Variants in SENP6 observed in about 807,000 individuals in gnomAD.
SENP6 encodes the protein SUMO specific peptidase 6.
Under a neutral mutation model 134.5 loss-of-function variants are expected in SENP6, and 41 were observed. The observed-to-expected ratio is 0.30, with a 90% CI of 0.24 to 0.40. The LOEUF (loss-of-function observed/expected upper bound fraction) is 0.40. Ranked by LOEUF, SENP6 falls within the 10% of genes least tolerant of loss-of-function variation. SENP6 has a pLI of 1.00. For synonymous variants in SENP6, 395 were observed against 429.8 expected (o/e 0.92, Z 1.00); for missense variants, 1,248 against 1,312.5 (o/e 0.95, Z 0.76).
intron 3 of SENP6, among the ~76,000 whole-genome samples, chr6:75,624,653 T>A (rs1768530906): frequency 6.6e-6 from 1 of 152,228 alleles, no homozygotes; most frequent in Non-Finnish European, 1.5e-5. Flanking sequence ...ATATGTATAG[T>A]CTCATTCTTT....
chr6:75,652,035 G>A (rs1770907729), intron 7 of SENP6, among the ~76,000 whole-genome samples: 1 of 151,816 alleles, frequency 6.6e-6, no homozygotes, highest in Non-Finnish European at 1.5e-5. Flanking sequence ...AAATTAGCCG[G>A]GTATAGTGGC....
At chr6:75,697,569 C>T in intron 18 of SENP6, 52 bp downstream of exon 18, 1 of 1,261,706 alleles carries the variant, frequency 7.9e-7, no homozygotes, top group Non-Finnish European at 1.1e-6. Flanking sequence ...TAAATGATGG[C>T]AATTTTTAAA....
chr6:75,608,277 A>G (rs1475477154), intron 1 of SENP6, among the ~76,000 whole-genome samples: 1 of 152,108 alleles, frequency 6.6e-6, no homozygotes, highest in East Asian at 1.9e-4. Context: ...CCTGGGCAAC[A>G]TAACGAGGCC....
At chr6:75,660,476 G>T (rs1480846729) in intron 8 of SENP6, among the ~76,000 whole-genome samples, 1 of 152,088 alleles carries the variant, frequency 6.6e-6, no homozygotes, top group East Asian at 1.9e-4. Context: ...GATGTTTCAT[G>T]ACTTACCTTG....
rs1456173924 is a variant in SENP6 at position 75,665,730 on chromosome 6, A to G, written c.995-982A>G. ...TTTTAGTAGCTTCCTGTGTGAGATAAAATTACTTGGCTACAGCCAGGTGCG... is the reference window on the plus strand; with the variant it reads ...TTTTAGTAGCTTCCTGTGTGAGATAGAATTACTTGGCTACAGCCAGGTGCG... On this transcript the variant is annotated intron_variant, in intron 9 of 23. Coordinates refer to ENST00000447266, the MANE Select transcript of SENP6 (RefSeq NM_015571.4). Among the ~76,000 whole-genome samples, 3 of 152,156 alleles carry G rather than the reference A, an allele frequency of 2.0e-5. No homozygotes were observed. The South Asian group carries it at 6.2e-4, about 32-fold the overall frequency.
chr6:75,684,852 A>G (rs1773717181), intron 16 of SENP6, among the ~76,000 whole-genome samples: 2 of 152,120 alleles, frequency 1.3e-5, no homozygotes, highest in South Asian at 2.1e-4. Flanking sequence ...TATTGATCTG[A>G]AATTCTCTTT....
intron 3 of SENP6, among the ~76,000 whole-genome samples, chr6:75,629,447 A>G (rs1768944323): frequency 6.6e-6 from 1 of 152,056 alleles, no homozygotes; most frequent in South Asian, 2.1e-4. Context: ...CTACAGGCGT[A>G]TGCCACCATG....
chr6:75,675,521 C>T, intron 12 of SENP6, 53 bp downstream of exon 12: 1 of 1,077,180 alleles, frequency 9.3e-7, no homozygotes, highest in Non-Finnish European at 1.4e-6. Context: ...CACCAAAGCA[C>T]TTTACAGGAA....
chr6:75,642,668 G>A (rs1323913909), intron 6 of SENP6, among the ~76,000 whole-genome samples: 2 of 152,172 alleles, frequency 1.3e-5, no homozygotes, highest in South Asian at 2.1e-4. Context: ...ATATTAGTGC[G>A]ATAGAAGCTT....
chr6:75,625,111 C>CA (rs1190247326), intron 3 of SENP6, among the ~76,000 whole-genome samples: 1 of 66,554 alleles, frequency 1.5e-5, no homozygotes, highest in Non-Finnish European at 3.2e-5. Flanking sequence ...GTGTGTGTGT[C>CA]CTTTTTTTTT....
At chr6:75,619,088 T>C (rs1432931258) in intron 1 of SENP6, among the ~76,000 whole-genome samples, 2 of 152,080 alleles carry the variant, frequency 1.3e-5, no homozygotes, top group Non-Finnish European at 2.9e-5. Flanking sequence ...AGTTACTGTT[T>C]AACCATTTTT....
At chr6:75,677,295 T>C in intron 14 of SENP6, 39 bp downstream of exon 14, 1 of 1,331,716 alleles carries the variant, frequency 7.5e-7, no homozygotes, top group East Asian at 2.5e-5. Flanking sequence ...TCTTAAATTG[T>C]GGGTAGTTTT....
intron 18 of SENP6, among the ~76,000 whole-genome samples, chr6:75,698,708 T>C (rs1774818868): frequency 6.6e-6 from 1 of 152,184 alleles, no homozygotes; most frequent in South Asian, 2.1e-4. Context: ...AATTTCTTCA[T>C]TCTCTTCAAA....
chr6:75,700,480 T>A (rs538041138), intron 18 of SENP6, among the ~76,000 whole-genome samples: 7 of 152,248 alleles, frequency 4.6e-5, no homozygotes, highest in Non-Finnish European at 8.8e-5. Flanking sequence ...ATACTATATT[T>A]CATCAATTTT....
intron 16 of SENP6, among the ~76,000 whole-genome samples, chr6:75,682,648 A>AT (rs530568673): frequency 3.0e-4 from 45 of 152,210 alleles, no homozygotes; most frequent in Non-Finnish European, 5.7e-4. Context: ...GAGTGAGAAC[A>AT]TGCTGTGTTT....
intron 3 of SENP6, among the ~76,000 whole-genome samples, chr6:75,628,342 G>A (rs1224131317): frequency 6.6e-6 from 1 of 151,956 alleles, no homozygotes; most frequent in African/African-American, 2.4e-5. Context: ...TAGAACTCCT[G>A]CTACTAAAGT....
At chr6:75,636,324 A>G (rs1002843064) in intron 5 of SENP6, among the ~76,000 whole-genome samples, 1 of 152,178 alleles carries the variant, frequency 6.6e-6, no homozygotes, top group African/African-American at 2.4e-5. Context: ...TTCTACTTAC[A>G]TTTGTCTTTT....
At chr6:75,713,450 T>C in intron 21 of SENP6, 63 bp from the exon 22 acceptor site, 1 of 1,328,798 alleles carries the variant, frequency 7.5e-7, no homozygotes, top group Non-Finnish European at 1.1e-6. Context: ...ATGCCACTTT[T>C]AATCCTTTTA....
chr6:75,633,975 C>T (rs1480365054), intron 4 of SENP6, among the ~76,000 whole-genome samples: 3 of 152,114 alleles, frequency 2.0e-5, no homozygotes, highest in Non-Finnish European at 4.4e-5. Context: ...CATGATTTTG[C>T]TTTCATACAT....
Sources: allele counts gnomAD v4.1 joint callset (sites outside exome capture counted in the v4.1 genomes callset), GRCh38; gene constraint gnomAD v4.1.1; transcripts MANE v1.5; gene names NCBI Gene and HGNC (gene_info 2026-07-23, HGNC 2026-07-21).